The following PPHLN1 variants were observed in gnomAD, a reference collection of about 807,000 sequenced individuals.
The protein encoded by PPHLN1 is periphilin 1.
A neutral mutation model predicts 51.3 loss-of-function variants in PPHLN1; 29 were observed. That is an observed-to-expected ratio of 0.57 (90% confidence interval 0.42 to 0.77). The LOEUF (loss-of-function observed/expected upper bound fraction) is 0.77. Among genes scored for constraint, PPHLN1 ranks in the 30% least tolerant of loss-of-function variants. The pLI is 0.00. For synonymous variants in PPHLN1, 147 were observed against 147.8 expected (o/e 0.99, Z 0.04); for missense variants, 436 against 438.4 (o/e 0.99, Z 0.05).
intron 9 of PPHLN1, among the ~76,000 whole-genome samples, chr12:42,439,095 T>C (rs1295629732): frequency 1.3e-5 from 2 of 152,260 alleles, no homozygotes; most frequent in African/African-American, 2.4e-5. Flanking sequence ...TTTGATGTTA[T>C]ATTTAAAAGT....
At chr12:42,398,807 C>T (rs368631241) in intron 8 of PPHLN1, 47 bp from the exon 9 acceptor site, 1 of 1,586,188 alleles carries the variant, frequency 6.3e-7, no homozygotes, top group East Asian at 2.3e-5. Flanking sequence ...CTGAACTGCT[C>T]TATGTTTTTT....
At chr12:42,369,946 G>A (rs754012) in intron 4 of PPHLN1, among the ~76,000 whole-genome samples, 1 of 151,862 alleles carries the variant, frequency 6.6e-6, no homozygotes, top group Non-Finnish European at 1.5e-5. Flanking sequence ...CCTCTGTATC[G>A]TGATTTAATG....
downstream of PPHLN1, chr12:42,446,861 A>C: frequency 2.3e-6 from 1 of 437,626 alleles, no homozygotes; most frequent in Non-Finnish European, 4.0e-6. Flanking sequence ...GTAGCAAGGG[A>C]GTGTAAAGGA....
At chr12:42,432,060 C>T in intron 9 of PPHLN1, 4 of 1,566,180 alleles carry the variant, frequency 2.6e-6, no homozygotes, top group Non-Finnish European at 2.6e-6. Context: ...GGATTTGCCA[C>T]CACGTGGTCC....
chr12:42,425,522 G>A (rs1168429754), intron 9 of PPHLN1, among the ~76,000 whole-genome samples: 2 of 151,926 alleles, frequency 1.3e-5, no homozygotes, highest in African/African-American at 4.8e-5. Context: ...GAGTAGCTGG[G>A]ATTACAGGCG....
In PPHLN1 at chr12:42,421,341, TATTGATTG is replaced by T. The variant is rs368017376; in HGVS notation, c.910-19956_910-19949del. Among the ~76,000 whole-genome samples the T allele has an allele frequency of 5.5e-3, 842 of 152,046 alleles. 7 individuals are homozygous for T. Among genetic ancestry groups the T allele is most frequent in the African/African-American group, 0.019 (806 of 41,388 alleles). The stretch of plus-strand genomic sequence containing the variant: ...GACTCTGTGAAAACTATCTTTATTT[TATTGATTG>T]ATTGATTGATTGATTGAGATGGAGT... On this transcript the variant is annotated intron_variant, in intron 9 of 9. Transcript: ENST00000358314.
chr12:42,353,379 T>TA (rs1393404675), intron 3 of PPHLN1, among the ~76,000 whole-genome samples: 3 of 152,188 alleles, frequency 2.0e-5, no homozygotes, highest in Non-Finnish European at 4.4e-5. Context: ...CTGTTGGAAT[T>TA]AGTTTTCATA....
chr12:42,339,638 C>T (rs981576142), intron 2 of PPHLN1, among the ~76,000 whole-genome samples: 11 of 152,168 alleles, frequency 7.2e-5, no homozygotes, highest in African/African-American at 2.7e-4. Flanking sequence ...AGTGCACTTA[C>T]ATTTGAGAAT....
At chr12:42,394,079 G>A (rs2077981233) in intron 8 of PPHLN1, among the ~76,000 whole-genome samples, 1 of 152,004 alleles carries the variant, frequency 6.6e-6, no homozygotes, top group Non-Finnish European at 1.5e-5. Flanking sequence ...TATATTGCTT[G>A]TTATACTTCA....
At chr12:42,393,962 T>C (rs967933041) in intron 8 of PPHLN1, among the ~76,000 whole-genome samples, 1 of 152,116 alleles carries the variant, frequency 6.6e-6, no homozygotes, top group African/African-American at 2.4e-5. Context: ...CTTCTTTTAA[T>C]GGGCTTTGCT....
downstream of PPHLN1, chr12:42,446,069 C>T (rs1279403353): frequency 3.2e-6 from 5 of 1,546,952 alleles, no homozygotes; most frequent in Admixed American, 2.0e-5. Context: ...CCTGCAGGCC[C>T]CGCAGCCCCC....
intron 2 of PPHLN1, among the ~76,000 whole-genome samples, chr12:42,349,177 T>C (rs185217994): frequency 6.6e-6 from 1 of 152,350 alleles, no homozygotes; most frequent in Admixed American, 6.5e-5. Flanking sequence ...TTTGAGATAC[T>C]TAGTATTTTT....
chr12:42,353,886 A>G (rs2073713295), intron 3 of PPHLN1, among the ~76,000 whole-genome samples: 1 of 152,132 alleles, frequency 6.6e-6, no homozygotes, highest in Admixed American at 6.5e-5. Context: ...ATTGTTACCA[A>G]TTGTGTTTGT....
At chr12:42,387,044 GCTACCC>G (rs1442083891) in intron 6 of PPHLN1, 1 of 153,104 alleles carries the variant, frequency 6.5e-6, no homozygotes, top group Non-Finnish European at 1.5e-5. Flanking sequence ...ATCCTCTTGA[GCTACCC>G]CTTGATTAAC....
intron 4 of PPHLN1, among the ~76,000 whole-genome samples, chr12:42,357,102 A>T (rs1453407477): frequency 3.9e-5 from 6 of 152,232 alleles, no homozygotes; most frequent in Non-Finnish European, 4.4e-5. Context: ...AGGAAATTAC[A>T]AATCATTTCT....
At chr12:42,429,626 G>A (rs1305893064) in intron 9 of PPHLN1, among the ~76,000 whole-genome samples, 1 of 152,058 alleles carries the variant, frequency 6.6e-6, no homozygotes, top group African/African-American at 2.4e-5. Context: ...TTAATGTGTT[G>A]GTCTTTTTAC....
In PPHLN1 at chr12:42,398,997, G is replaced by T. The variant is rs1245587039; in HGVS notation, c.909+3G>T. On this transcript the variant is annotated splice_donor_region_variant and intron_variant, in intron 9 of 9. Transcript: ENST00000358314. ...CAAAAACCAAAGAGATTGAACAGGT[G>T]AGAGTCTAGTTGTCTTCATGTACAT... 1 of 1,613,382 alleles carries T rather than the reference G, an allele frequency of 6.2e-7. No homozygotes were observed. Among genetic ancestry groups the T allele is most frequent in the Non-Finnish European group, 8.5e-7 (1 of 1,179,470 alleles).
intron 9 of PPHLN1, chr12:42,431,567 A>C: frequency 3.3e-6 from 2 of 612,740 alleles, no homozygotes; most frequent in Non-Finnish European, 6.0e-6. Context: ...TGAAAGTGCG[A>C]TGCAAAGACT....
At chr12:42,430,015 G>T (rs1338464073) in intron 9 of PPHLN1, among the ~76,000 whole-genome samples, 2 of 152,170 alleles carry the variant, frequency 1.3e-5, no homozygotes, top group South Asian at 2.1e-4. Flanking sequence ...GTGTCTTTTT[G>T]TATGTGAATG....
Sources: gnomAD v4.1 joint callset for allele counts (sites outside exome capture counted in the v4.1 genomes callset) on GRCh38, gnomAD v4.1.1 for gene constraint, MANE v1.5 for transcripts, NCBI Gene and HGNC (gene_info 2026-07-23, HGNC 2026-07-21) for gene names.